Variants in FLNC observed in about 807,000 individuals in gnomAD.
FLNC encodes filamin-C.
FLNC carries 91 observed loss-of-function variants against 254.3 expected under a neutral mutation model. The observed-to-expected ratio is 0.36, with a 90% CI of 0.30 to 0.43. The LOEUF is 0.43. Among genes scored for constraint, FLNC ranks in the 20% least tolerant of loss-of-function variants. The pLI is 1.00. For missense variants in FLNC, 2,853 were observed against 3,802.6 expected (o/e 0.75, Z 6.57); for synonymous variants, 1,430 against 1,577.2 (o/e 0.91, Z 2.21).
At chr7:128,832,841 G>A (rs1212876857) in intron 1 of FLNC, among the ~76,000 whole-genome samples, 7 of 152,184 alleles carry the variant, frequency 4.6e-5, no homozygotes, top group African/African-American at 9.7e-5. Flanking sequence ...CAGCTGGGGC[G>A]CCCCACCATG....
chr7:128,852,850 G>A lies in FLNC; in HGVS notation c.6027G>A (p.Glu2009=). The change falls in exon 37 of 48, where the codon GAG becomes GAA. Residue 2009 remains glutamate (E), a synonymous_variant. Coordinates refer to ENST00000325888, the MANE Select transcript of FLNC (RefSeq NM_001458.5). ...CAGGGATCTCCTTCACCCCCAAGGA[G>A]GTCGGGGAGCACGTGGTGAGCGTGC... ...RHIGISFTPK[E]VGEHVVSVRK... 1.2e-6 allele frequency: 2 copies of A among 1,613,908 alleles called. No homozygotes were observed. The highest frequency in any genetic ancestry group is 2.2e-5 in the South Asian group (2 of 91,088).
In FLNC at chr7:128,856,574, C is replaced by T; in HGVS notation, c.7308C>T (p.Ala2436=). 6.2e-7 allele frequency: 1 copy of T among 1,612,904 alleles called. No homozygotes were observed. Among genetic ancestry groups the T allele is most frequent in the South Asian group, 1.1e-5 (1 of 91,084 alleles). Residue 2436 remains alanine, a synonymous_variant, in exon 44 of 48, where the codon GCC becomes GCT. Coordinates refer to ENST00000325888, the MANE Select transcript of FLNC (RefSeq NM_001458.5). The surrounding 1 kb of genome is among the most constrained non-coding windows in gnomAD (Gnocchi z 5.9). ...PASFAVQLNG[A]RGVIDARVHT... ...CCTTTGCCGTGCAGCTGAACGGTGC[C>T]CGGGGCGTGATTGATGCCCGGGTGC...
chr7:128,854,579 C>T lies in FLNC; in HGVS notation c.6894C>T (p.Pro2298=), dbSNP rs765567723. 34 of 1,609,366 alleles carry T rather than the reference C, an allele frequency of 2.1e-5. No individual in the cohort carries two copies. Among genetic ancestry groups the T allele is most frequent in the South Asian group, 1.2e-4 (11 of 90,394 alleles). The change falls in exon 41 of 48, where the codon CCC becomes CCT. Residue 2298 remains proline (P), a synonymous_variant. Transcript: ENST00000325888. ...TCAAGTACCGTGGCCAGCACGTGCC[C>T]GGCAGCCCCTTTCAGTTCACTGTGG... ...VAVKYRGQHV[P]GSPFQFTVGP... is the part of the protein sequence containing the mutation.
chr7:128,833,719 G>A (rs1400667814), intron 1 of FLNC, among the ~76,000 whole-genome samples: 3 of 152,356 alleles, frequency 2.0e-5, no homozygotes, highest in South Asian at 4.1e-4. Context: ...GGCTGTCGGG[G>A]TTGTGAGAGG....
At chr7:128,846,673 C>G in intron 23 of FLNC, 72 bp from the exon 24 acceptor site, 1 of 1,491,468 alleles carries the variant, frequency 6.7e-7, no homozygotes, top group African/African-American at 1.4e-5. Context: ...TCCTCCCTGT[C>G]CCCCCATTCA....
chr7:128,842,965 T>C lies in FLNC; in HGVS notation c.2550+11T>C. On this transcript the variant is annotated intron_variant, in intron 16 of 47. Coordinates refer to ENST00000325888, the MANE Select transcript of FLNC (RefSeq NM_001458.5). The surrounding 1 kb of genome is among the most constrained non-coding windows in gnomAD (Gnocchi z 5.4). ...CTGTTTGCCAACCAGGTACCTAAGC[T>C]CCTGGGTACTCACAGCGACATGCAC... is the stretch of plus-strand genomic sequence containing the variant. 1 of 1,613,444 alleles carries C rather than the reference T, an allele frequency of 6.2e-7. No individual in the cohort carries two copies. The highest frequency in any genetic ancestry group is 8.5e-7 in the Non-Finnish European group (1 of 1,179,850).
Position 128,851,738 on chromosome 7 carries a change from C to T in FLNC, c.5842+110C>T, listed in dbSNP as rs1808825633. ...GTCACTCGTGACATTAGGGCAGAGG[C>T]CCTTCAAGGTGTGAGGGGTCATATT... On this transcript the variant is annotated intron_variant, in intron 35 of 47. Transcript: ENST00000325888. The T allele has an allele frequency of 8.0e-6, 9 of 1,128,992 alleles. No homozygotes were observed. The South Asian group carries it at 1.1e-4, about 14-fold the overall frequency. The allele number at this position is 1,128,992 out of a possible 1,614,324, so 69.9% of individuals were successfully genotyped here.
intron 1 of FLNC, 72 bp downstream of exon 1, chr7:128,831,061 G>A: frequency 2.1e-6 from 3 of 1,447,296 alleles, no homozygotes; most frequent in Non-Finnish European, 2.8e-6. Context: ...CACAGGTGCG[G>A]GGTGGGCGCG....
rs754664483 is a variant in FLNC at position 128,856,703 on chromosome 7, A to C, written c.7385-42A>C. The C allele has an allele frequency of 1.2e-6, 2 of 1,613,758 alleles. No individual in the cohort carries two copies. The highest frequency in any genetic ancestry group is 1.7e-6 in the Non-Finnish European group (2 of 1,179,958). ...CCTTCCGGGCTGGGGCCTTCTGGGGAGGGGAAGGATGGAGGCTAAGCCACC... is the reference window on the plus strand; with the variant it reads ...CCTTCCGGGCTGGGGCCTTCTGGGGCGGGGAAGGATGGAGGCTAAGCCACC... On this transcript the variant is annotated intron_variant, in intron 44 of 47. Transcript: ENST00000325888. This position sits in a 1 kb window ranked among gnomAD's most constrained non-coding sequence, Gnocchi z 5.9.
Position 128,830,982 on chromosome 7 carries a change from G to A in FLNC, c.345G>A (p.Val115=). Reference sequence around the variant, plus strand: ...TCGAGCGCGAGCACATCAAGCTCGTGTCCATAGGTCAGTGCCGGGGGCGAG... The same window carrying A: ...TCGAGCGCGAGCACATCAAGCTCGTATCCATAGGTCAGTGCCGGGGGCGAG... ...EFLEREHIKL[V]SIDSKAIVDG... Residue 115 remains valine, a synonymous_variant, in exon 1 of 48, where the codon GTG becomes GTA. Transcript: ENST00000325888. 7 of 1,607,374 alleles carry A rather than the reference G, an allele frequency of 4.4e-6. No individual in the cohort carries two copies. The highest frequency in any genetic ancestry group is 5.9e-6 in the Non-Finnish European group (7 of 1,179,904).
chr7:128,850,992 C>G (rs370421581), intron 33 of FLNC, 49 bp downstream of exon 33: 1 of 1,602,396 alleles, frequency 6.2e-7, no homozygotes, highest in African/African-American at 1.3e-5. Context: ...AGGAGCAGGC[C>G]GTAGCTTCAG....
At chr7:128,855,100 C>A in intron 42 of FLNC, 99 bp from the exon 43 acceptor site, 1 of 1,087,716 alleles carries the variant, frequency 9.2e-7, no homozygotes, top group Non-Finnish European at 1.4e-6. Context: ...GATCTGAGCG[C>A]TGACCACAGA....
chr7:128,835,483 G>A lies in FLNC; in HGVS notation c.510G>A (p.Gln170=), dbSNP rs1356014269. ...AGCAGCGGCTGCTTGGCTGGATCCA[G>A]AACAAGGTGCCCCAGCTGCCCATCA... is the stretch of plus-strand genomic sequence containing the variant. ...TPKQRLLGWI[Q]NKVPQLPITN... Residue 170 remains glutamine (Q), a synonymous_variant, in exon 2 of 48, where the codon CAG becomes CAA. Coordinates refer to ENST00000325888, the MANE Select transcript of FLNC (RefSeq NM_001458.5). This position sits in a 1 kb window ranked among gnomAD's most constrained non-coding sequence, Gnocchi z 5.3. 1 of 1,613,856 alleles carries A rather than the reference G, an allele frequency of 6.2e-7. No homozygotes were observed.
rs373691962 is a variant in FLNC, at chr7:128,856,906, G to A, written c.7546G>A (p.Glu2516Lys). Reference protein sequence around the residue: ...GLVSAYGPGLEGGTTGVSSEF... With the variant: ...GLVSAYGPGLKGGTTGVSSEF... ...GGTGTCAGCCTACGGTCCTGGGCTC[G>A]AGGGAGGCACTACCGGTGAGTGCCT... Residue 2516 changes from glutamate (E) to lysine (K), a missense_variant, in exon 45 of 48, where the codon GAG becomes AAG. Glu to Lys is a moderately conservative substitution (Grantham distance 56). Around this residue, in one of 10 missense-constraint regions of FLNC, gnomAD observed 197 missense variants for 351.5 expected, o/e 0.56. Coordinates refer to ENST00000325888, the MANE Select transcript of FLNC (RefSeq NM_001458.5). This position sits in a 1 kb window ranked among gnomAD's most constrained non-coding sequence, Gnocchi z 5.9. 31 of 1,613,922 alleles carry A rather than the reference G, an allele frequency of 1.9e-5. No homozygotes were observed. The highest frequency in any genetic ancestry group is 2.5e-5 in the Non-Finnish European group (29 of 1,179,980).
rs755636271 is a variant in FLNC at position 128,837,394 on chromosome 7, G to T, written c.700-4G>T. ...CCATGTGACATCACTCCTTTCCATC[G>T]CAGGTCATTGCCCCTGAGGAGATTG... On this transcript the variant is annotated splice_region_variant and splice_polypyrimidine_tract_variant and intron_variant, in intron 3 of 47. Transcript: ENST00000325888. 10 of 1,613,918 alleles carry T rather than the reference G, an allele frequency of 6.2e-6. No individual in the cohort carries two copies. Among genetic ancestry groups the T allele is most frequent in the Middle Eastern group, 1.6e-4 (1 of 6,084 alleles).
Position 128,858,619 on chromosome 7 carries a change from C to G in FLNC, c.*96C>G, listed in dbSNP as rs553334489. 3.2e-6 allele frequency: 3 copies of G among 949,144 alleles called. No homozygotes were observed. The South Asian group carries it at 4.2e-5, about 13-fold the overall frequency. 58.8% of individuals were successfully genotyped at this position (949,144 alleles called of 1,614,324 possible). ...CACACAAATGTGCCACACCCAGACA[C>G]GCACAGAATCAGACACTACAAACAC... On this transcript the variant is annotated 3_prime_UTR_variant, in exon 48 of 48. Transcript: ENST00000325888. The surrounding 1 kb of genome is among the most constrained non-coding windows in gnomAD (Gnocchi z 6.7).
Position 128,850,446 on chromosome 7 carries a change from G to A in FLNC, c.5361G>A (p.Leu1787=). 2 of 1,614,002 alleles carry A rather than the reference G, an allele frequency of 1.2e-6. No homozygotes were observed. Among genetic ancestry groups the A allele is most frequent in the Non-Finnish European group, 1.7e-6 (2 of 1,180,008 alleles). ...PMESMLRPFN[L]VIPFAVQKGE... ...AGTCCATGCTGAGGCCCTTCAACCT[G>A]GTCATCCCCTTCGCGGTGCAGAAAG... The change falls in exon 32 of 48, where the codon CTG becomes CTA. Residue 1787 remains leucine, a synonymous_variant. Coordinates refer to ENST00000325888, the MANE Select transcript of FLNC (RefSeq NM_001458.5).
Position 128,848,989 on chromosome 7 carries a change from G to A in FLNC, c.4927+7G>A. 6.2e-7 allele frequency: 1 copy of A among 1,609,870 alleles called. No individual in the cohort carries two copies. The highest frequency in any genetic ancestry group is 1.1e-5 in the South Asian group (1 of 91,020). ...AGCAAGTGCCTCGTCACAGGTGGGT[G>A]CCCACCCGCTGCCCGTGCCCTGCTC... On this transcript the variant is annotated splice_region_variant and intron_variant, in intron 28 of 47. Coordinates refer to ENST00000325888, the MANE Select transcript of FLNC (RefSeq NM_001458.5).
Position 128,842,936 on chromosome 7 carries a change from G to T in FLNC, c.2532G>T (p.Met844Ile). ...CAGGGGCGGGCCGCTACACCATCATGGTGCTGTTTGCCAACCAGGTACCTA... is the reference window on the plus strand; with the variant it reads ...CAGGGGCGGGCCGCTACACCATCATTGTGCTGTTTGCCAACCAGGTACCTA... ...TPPGAGRYTI[M>I]VLFANQEIPA... Residue 844 changes from methionine (M) to isoleucine (I), a missense_variant, in exon 16 of 48, where the codon ATG becomes ATT. Physicochemically the swap from Met to Ile is conservative, Grantham distance 10. Coordinates refer to ENST00000325888, the MANE Select transcript of FLNC (RefSeq NM_001458.5). The surrounding 1 kb of genome is among the most constrained non-coding windows in gnomAD (Gnocchi z 5.4). 1 of 1,613,990 alleles carries T rather than the reference G, an allele frequency of 6.2e-7. No individual in the cohort carries two copies. The highest frequency in any genetic ancestry group is 8.5e-7 in the Non-Finnish European group (1 of 1,180,020).
Sources: gnomAD v4.1 joint callset for allele counts (sites outside exome capture counted in the v4.1 genomes callset) on GRCh38, gnomAD v4.1.1 for gene constraint, gnomAD v4.1.1 regional missense constraint, Gnocchi (gnomAD v3.1) non-coding constraint, MANE v1.5 for transcripts, NCBI Gene and HGNC (gene_info 2026-07-23, HGNC 2026-07-21) for gene names.